Variants in GLYCTK observed in about 807,000 individuals in gnomAD.
GLYCTK encodes glycerate kinase.
In GLYCTK, 22 loss-of-function variants were observed where a neutral mutation model predicts 24.8. The observed-to-expected ratio is 0.89, with a 90% CI of 0.63 to 1.27. The LOEUF is 1.27. Among genes scored for constraint, GLYCTK ranks in the 50% most tolerant of loss-of-function variants. The pLI is 0.00. For missense variants in GLYCTK, 684 were observed against 686.7 expected (o/e 1.00, Z 0.04); for synonymous variants, 320 against 297.2 (o/e 1.08, Z -0.79).
chr3:52,291,242 C>A, intron 3 of GLYCTK, 131 bp downstream of exon 3: 1 of 1,172,804 alleles, frequency 8.5e-7, no homozygotes, highest in Non-Finnish European at 1.2e-6. Context: ...GGTGAGGAGC[C>A]TGGATGGTGA....
In GLYCTK at chr3:52,291,099, G is replaced by T. The variant is rs755417656; in HGVS notation, c.517G>T (p.Val173Leu). Residue 173 changes from valine (V) to leucine (L), a missense_variant, in exon 3 of 5, where the codon GTG becomes TTG. Coordinates refer to ENST00000436784, the MANE Select transcript of GLYCTK (RefSeq NM_145262.4). ...ACTCACAGCTGATGACCTGCTGCTC[G>T]TGCTGATCTCAGGTGTGGTACCACA... The part of the protein sequence containing the change: ...EGLTADDLLL[V>L]LISGGGSALL... 6 of 1,611,018 alleles carry T rather than the reference G, an allele frequency of 3.7e-6. No individual in the cohort carries two copies. In the African/African-American group the frequency reaches 4.0e-5, roughly 11 times the overall value.
chr3:52,293,023 A>T lies in GLYCTK; in HGVS notation c.1469A>T (p.His490Leu), dbSNP rs763485712. 1.2e-6 allele frequency: 2 copies of T among 1,614,074 alleles called. No homozygotes were observed. The highest frequency in any genetic ancestry group is 2.2e-5 in the South Asian group (2 of 91,094). The change falls in exon 5 of 5, where the codon CAT becomes CTT. Residue 490 changes from histidine (H) to leucine (L), a missense_variant. Coordinates refer to ENST00000436784, the MANE Select transcript of GLYCTK (RefSeq NM_145262.4). ...ACCTTCCTAGCCCACAATGACTCAC[A>T]TACCTTCTTCTGCTGCCTCCAGGGT... The part of the protein sequence containing the change: ...IATFLAHNDS[H>L]TFFCCLQGGA...
chr3:52,291,716 C>T, intron 3 of GLYCTK, 31 bp from the exon 4 acceptor site: 2 of 1,610,242 alleles, frequency 1.2e-6, no homozygotes, highest in Non-Finnish European at 8.5e-7. Flanking sequence ...TGGGATAGCC[C>T]CTCTACCTGA....
chr3:52,294,841 C>T lies in GLYCTK; in HGVS notation c.*1715C>T. The T allele has an allele frequency of 2.2e-6, 1 of 453,972 alleles. No individual in the cohort carries two copies. The highest frequency in any genetic ancestry group is 4.4e-6 in the Non-Finnish European group (1 of 226,746). The allele number at this position is 453,972 out of a possible 1,614,324, so 28.1% of individuals were successfully genotyped here. A position where few individuals can be genotyped will look rare whatever the true frequency, so the allele number is the denominator to read the frequency against. On this transcript the variant is annotated 3_prime_UTR_variant, in exon 5 of 5. Transcript: ENST00000436784. ...GCTGAGGGCCTGGCAGCCATGTCCC[C>T]AGTGTGTGTGTGGGTGGTAGGTGTG...
rs1277500702 is a variant in GLYCTK at position 52,294,112 on chromosome 3, A to T, written c.*986A>T. ...CGGGAGAAGAGGCAAGTGGGAATAGAGGAACGGCTGTGTTGGCCTGGCCAG... is the reference window on the plus strand; with the variant it reads ...CGGGAGAAGAGGCAAGTGGGAATAGTGGAACGGCTGTGTTGGCCTGGCCAG... On this transcript the variant is annotated 3_prime_UTR_variant, in exon 5 of 5. Coordinates refer to ENST00000436784, the MANE Select transcript of GLYCTK (RefSeq NM_145262.4). 1.9e-6 allele frequency: 1 copy of T among 527,868 alleles called. No individual in the cohort carries two copies. Among genetic ancestry groups the T allele is most frequent in the Admixed American group, 1.9e-5 (1 of 51,388 alleles). 32.7% of individuals were successfully genotyped at this position (527,868 alleles called of 1,614,324 possible).
rs559647491 is a variant in GLYCTK at position 52,287,847 on chromosome 3, G to C, written c.-69G>C. On this transcript the variant is annotated 5_prime_UTR_variant, in exon 1 of 5. Transcript: ENST00000436784. ...CCCCCTAGTACTTCCGTTCTCCAGC[G>C]CTGGGCACCGCGGCCGGAGCTGTGG... 7 of 452,602 alleles carry C rather than the reference G, an allele frequency of 1.5e-5. No individual in the cohort carries two copies. The highest frequency in any genetic ancestry group is 1.4e-4 in the East Asian group (2 of 14,236). 28.0% of individuals were successfully genotyped at this position (452,602 alleles called of 1,614,324 possible).
Position 52,290,560 on chromosome 3 carries a change from G to C in GLYCTK, c.218G>C (p.Arg73Pro). 1 of 1,613,780 alleles carries C rather than the reference G, an allele frequency of 6.2e-7. No individual in the cohort carries two copies. Among genetic ancestry groups the C allele is most frequent in the East Asian group, 2.2e-5 (1 of 44,892 alleles). ...GGCAGACAGCTGAAGGTGCGGGACCGGAACTTTCAGCTGAGGCAAAACCTC... is the reference window on the plus strand; with the variant it reads ...GGCAGACAGCTGAAGGTGCGGGACCCGAACTTTCAGCTGAGGCAAAACCTC... ...PGGRQLKVRD[R>P]NFQLRQNLYL... The change falls in exon 2 of 5, where the codon CGG becomes CCG. Residue 73 changes from arginine to proline, a missense_variant. Coordinates refer to ENST00000436784, the MANE Select transcript of GLYCTK (RefSeq NM_145262.4).
rs758823918 is a variant in GLYCTK, at chr3:52,292,867, C to T, written c.1313C>T (p.Pro438Leu). The T allele has an allele frequency of 1.1e-4, 181 of 1,613,950 alleles. No individual in the cohort carries two copies. The Middle Eastern group carries it at 1.3e-3, about 12-fold the overall frequency. ...GTTGGAGCAGAGTTGAGAAGGTGGC[C>T]GCTGGGGCCGATAGATGTGCTGTTT... Reference protein sequence around the residue: ...LRVGAELRRWPLGPIDVLFLS... With the variant: ...LRVGAELRRWLLGPIDVLFLS... Residue 438 changes from proline to leucine, a missense_variant, in exon 5 of 5, where the codon CCG (proline) becomes CTG (leucine). Pro to Leu is a moderately conservative substitution (Grantham distance 98, BLOSUM62 -3). Transcript: ENST00000436784.
chr3:52,292,260 G>A lies in GLYCTK; in HGVS notation c.706G>A (p.Val236Met). 4 of 1,613,870 alleles carry A rather than the reference G, an allele frequency of 2.5e-6. No individual in the cohort carries two copies. The highest frequency in any genetic ancestry group is 3.4e-6 in the Non-Finnish European group (4 of 1,179,944). The change falls in exon 5 of 5, where the codon GTG becomes ATG. Residue 236 changes from valine (V) to methionine (M), a missense_variant and splice_region_variant. By Grantham distance (21) the Val-to-Met change is conservative. Coordinates refer to ENST00000436784, the MANE Select transcript of GLYCTK (RefSeq NM_145262.4). ...GLAQAAYPAQ[V>M]VSLILSDVVG... Reference sequence around the variant, plus strand: ...GCCTTGTCTGGTGGCCCTTCCCCAGGTGGTGAGCCTCATCCTGTCAGATGT... The same window carrying A: ...GCCTTGTCTGGTGGCCCTTCCCCAGATGGTGAGCCTCATCCTGTCAGATGT...
intron 1 of GLYCTK, chr3:52,290,088 A>G (rs1578024079): frequency 1.8e-6 from 1 of 566,276 alleles, no homozygotes; most frequent in Non-Finnish European, 3.1e-6. Context: ...TGTGGTCTGC[A>G]GAAGAGGAGG....
intron 4 of GLYCTK, 151 bp downstream of exon 4, chr3:52,292,073 C>A: frequency 8.9e-7 from 1 of 1,121,610 alleles, no homozygotes; most frequent in Non-Finnish European, 1.3e-6. Context: ...GGAGGGGTGC[C>A]AGAGACGGGG....
Position 52,294,455 on chromosome 3 carries a change from C to G in GLYCTK, c.*1329C>G, listed in dbSNP as rs773580766. 13 of 427,556 alleles carry G rather than the reference C, an allele frequency of 3.0e-5. No individual in the cohort carries two copies. Among genetic ancestry groups the G allele is most frequent in the African/African-American group, 1.2e-4 (6 of 48,938 alleles). The allele number at this position is 427,556 out of a possible 1,614,324, so 26.5% of individuals were successfully genotyped here. A position where few individuals can be genotyped will look rare whatever the true frequency, so the allele number is the denominator to read the frequency against. On this transcript the variant is annotated 3_prime_UTR_variant, in exon 5 of 5. Transcript: ENST00000436784. ...GGCTCTGGGCAGCCTAGCTTGCAGA[C>G]AGTTCATGACCTGGGGGCCTGGCTC...
Position 52,292,810 on chromosome 3 carries a change from G to C in GLYCTK, c.1256G>C (p.Arg419Thr), listed in dbSNP as rs746546773. Residue 419 changes from arginine (R) to threonine (T), a missense_variant, in exon 5 of 5, where the codon AGG (arginine) becomes ACG (threonine). By Grantham distance (71) the Arg-to-Thr change is moderately conservative. Coordinates refer to ENST00000436784, the MANE Select transcript of GLYCTK (RefSeq NM_145262.4). ...ACAGTACAGCTGCAGGGCTCGGGCA[G>C]GGGTGGCCGGAACCAGGAACTGGCC... ...EPTVQLQGSG[R>T]GGRNQELALR... 1 of 1,612,444 alleles carries C rather than the reference G, an allele frequency of 6.2e-7. No homozygotes were observed. The highest frequency in any genetic ancestry group is 1.1e-5 in the South Asian group (1 of 90,952).
Position 52,294,931 on chromosome 3 carries a change from A to C in GLYCTK, c.*1805A>C. 1 of 454,028 alleles carries C rather than the reference A, an allele frequency of 2.2e-6. No individual in the cohort carries two copies. Among genetic ancestry groups the C allele is most frequent in the Non-Finnish European group, 4.4e-6 (1 of 226,792 alleles). 28.1% of individuals were successfully genotyped at this position (454,028 alleles called of 1,614,324 possible). A position where few individuals can be genotyped will look rare whatever the true frequency, so the allele number is the denominator to read the frequency against. ...AATGCATCTCTGAGTGTACACATAG[A>C]TACTTAGTACAGGGCACATGACTCC... is the stretch of plus-strand genomic sequence containing the variant. On this transcript the variant is annotated 3_prime_UTR_variant, in exon 5 of 5. Transcript: ENST00000436784.
In GLYCTK at chr3:52,295,221, T is replaced by C. The variant is rs1361699420; in HGVS notation, c.*2095T>C. ...ACAGTGAATGTTTTGATAGGATTCA[T>C]TACTTGCTCCATAAATGTCAATTTT... On this transcript the variant is annotated 3_prime_UTR_variant, in exon 5 of 5. Transcript: ENST00000436784. 2.2e-6 allele frequency: 1 copy of C among 449,426 alleles called. No homozygotes were observed. Among genetic ancestry groups the C allele is most frequent in the Non-Finnish European group, 4.5e-6 (1 of 223,130 alleles). The allele number at this position is 449,426 out of a possible 1,614,324, so 27.8% of individuals were successfully genotyped here.
rs1700425827 is a variant in GLYCTK, at chr3:52,290,444, G to C, written c.102G>C (p.Leu34Phe). The change falls in exon 2 of 5, where the codon TTG (leucine) becomes TTC (phenylalanine). Residue 34 changes from leucine to phenylalanine, a missense_variant. Transcript: ENST00000436784. ...CCCGTCTGGCCAGCAGCATGGCCTT[G>C]GCAGAGCAGGCCAGGCAGCTGTTTG... is the stretch of plus-strand genomic sequence containing the variant. ...SVARLASSMA[L>F]AEQARQLFES... 6.2e-7 allele frequency: 1 copy of C among 1,612,236 alleles called. No individual in the cohort carries two copies. Among genetic ancestry groups the C allele is most frequent in the African/African-American group, 1.3e-5 (1 of 74,932 alleles).
In GLYCTK at chr3:52,294,044, G is replaced by T. The variant is rs544389304; in HGVS notation, c.*918G>T. 3.1e-3 allele frequency: 1,393 copies of T among 443,452 alleles called. 31 individuals carry two copies. Among genetic ancestry groups the T allele is most frequent in the South Asian group, 0.022 (1,372 of 62,226 alleles). The allele number at this position is 443,452 out of a possible 1,614,324, so 27.5% of individuals were successfully genotyped here. A position where few individuals can be genotyped will look rare whatever the true frequency, so the allele number is the denominator to read the frequency against. On this transcript the variant is annotated 3_prime_UTR_variant, in exon 5 of 5. Transcript: ENST00000436784. ...AGCACTGGGATGGTGGGTCCAGCCA[G>T]TGATGAGGTCCAGTGACCCACACCT...
At chr3:52,289,571 C>T (rs1218892434) in intron 1 of GLYCTK, among the ~76,000 whole-genome samples, 2 of 152,218 alleles carry the variant, frequency 1.3e-5, no homozygotes, top group Non-Finnish European at 1.5e-5. Context: ...TGGCACATGG[C>T]CTCACATGGT....
In GLYCTK at chr3:52,293,651, G is replaced by A; in HGVS notation, c.*525G>A. On this transcript the variant is annotated 3_prime_UTR_variant, in exon 5 of 5. Transcript: ENST00000436784. ...GGGAGCCTGTGCCCATCCCTCTGGAGTGTGTGAGGGTTGAGCTTGGCTCCT... is the reference window on the plus strand; with the variant it reads ...GGGAGCCTGTGCCCATCCCTCTGGAATGTGTGAGGGTTGAGCTTGGCTCCT... The A allele has an allele frequency of 2.2e-6, 1 of 453,552 alleles. No individual in the cohort carries two copies. Among genetic ancestry groups the A allele is most frequent in the East Asian group, 7.0e-5 (1 of 14,384 alleles). The allele number at this position is 453,552 out of a possible 1,614,324, so 28.1% of individuals were successfully genotyped here. A position where few individuals can be genotyped will look rare whatever the true frequency, so the allele number is the denominator to read the frequency against.
Sources: allele counts gnomAD v4.1 joint callset (sites outside exome capture counted in the v4.1 genomes callset), GRCh38; gene constraint gnomAD v4.1.1; transcripts MANE v1.5; gene names NCBI Gene and HGNC (gene_info 2026-07-23, HGNC 2026-07-21).